Variants in NCAM2 observed in about 807,000 individuals in gnomAD.
NCAM2 encodes the protein neural cell adhesion molecule 2.
Under a neutral mutation model 98.1 loss-of-function variants are expected in NCAM2, and 30 were observed. That is an observed-to-expected ratio of 0.31 (90% CI 0.23 to 0.41). The LOEUF (loss-of-function observed/expected upper bound fraction) is 0.41. NCAM2 is among the 10% of genes least tolerant of loss of function. The pLI is 1.00. For missense variants in NCAM2, 867 were observed against 1,005.8 expected, an observed-to-expected ratio of 0.86 and a Z score of 1.87; for synonymous variants, 368 against 342.4, an observed-to-expected ratio of 1.07 and a Z score of -0.83.
chr21:21,072,433 A>G (rs2146369542), intron 1 of NCAM2, among the ~76,000 whole-genome samples: 1 of 152,324 alleles, frequency 6.6e-6, no homozygotes, highest in South Asian at 2.1e-4. Context: ...ACTTATAGAA[A>G]ACTTACAAAA....
At position 21,542,915 on chromosome 21, in the gene NCAM2, C is replaced by T. The variant is rs1990288676; in HGVS notation, c.*4958C>T. On this transcript the variant is annotated 3_prime_UTR_variant, in exon 18 of 18. Coordinates refer to ENST00000400546, the MANE Select transcript of NCAM2 (RefSeq NM_004540.5). The stretch of plus-strand genomic sequence containing the variant: ...ATAAAAGAAATGATACTATTAAGAA[C>T]AAACCTACTTGTTCCAACTCTTAAA... 1 of 151,788 alleles carries T rather than the reference C, an allele frequency of 6.6e-6. No individual in the cohort carries two copies. Among genetic ancestry groups the T allele is most frequent in the Non-Finnish European group, 1.5e-5 (1 of 67,826 alleles). 9.4% of individuals were successfully genotyped at this position (151,788 alleles called of 1,614,324 possible).
At chr21:21,486,146 T>C (rs1303762893) in intron 15 of NCAM2, among the ~76,000 whole-genome samples, 1 of 151,576 alleles carries the variant, frequency 6.6e-6, no homozygotes, top group African/African-American at 2.4e-5. Flanking sequence ...TACTAAAAAA[T>C]GCAAAAAATT....
At chr21:21,034,577 G>A (rs1346223252) in intron 1 of NCAM2, among the ~76,000 whole-genome samples, 2 of 152,092 alleles carry the variant, frequency 1.3e-5, no homozygotes, top group African/African-American at 4.8e-5. Flanking sequence ...AATTTCTAAT[G>A]ATTTTAAATC....
intron 5 of NCAM2, among the ~76,000 whole-genome samples, chr21:21,304,076 T>C (rs2073808775): frequency 6.6e-6 from 1 of 152,180 alleles, no homozygotes; most frequent in Non-Finnish European, 1.5e-5. Context: ...TTTCTATTTT[T>C]TAACCACTGC....
chr21:21,435,641 T>C (rs1978304254), intron 12 of NCAM2, among the ~76,000 whole-genome samples: 1 of 152,164 alleles, frequency 6.6e-6, no homozygotes, highest in African/African-American at 2.4e-5. Flanking sequence ...TAATGTTTTT[T>C]TCTTCTCTCT....
At chr21:21,510,986 T>G (rs1224287541) in intron 16 of NCAM2, among the ~76,000 whole-genome samples, 1 of 152,016 alleles carries the variant, frequency 6.6e-6, no homozygotes, top group African/African-American at 2.4e-5. Flanking sequence ...TTTCCTGTTT[T>G]GTACTTTACA....
At chr21:21,229,392 T>G (rs569510675) in intron 1 of NCAM2, among the ~76,000 whole-genome samples, 1 of 151,634 alleles carries the variant, frequency 6.6e-6, no homozygotes, top group African/African-American at 2.4e-5. Context: ...GATAGTGTCT[T>G]TAATAAGATG....
intron 14 of NCAM2, among the ~76,000 whole-genome samples, chr21:21,469,163 C>A (rs1171752707): frequency 1.3e-5 from 2 of 151,976 alleles, no homozygotes; most frequent in African/African-American, 4.8e-5. Context: ...AATCACACCT[C>A]AAAACAAATT....
intron 15 of NCAM2, among the ~76,000 whole-genome samples, chr21:21,484,933 A>C (rs919537872): frequency 1.3e-5 from 2 of 152,180 alleles, no homozygotes; most frequent in Non-Finnish European, 2.9e-5. Context: ...TTATTTTGCA[A>C]ATAATTAAAT....
intron 1 of NCAM2, among the ~76,000 whole-genome samples, chr21:21,045,915 G>A (rs1195483745): frequency 1.3e-5 from 2 of 152,130 alleles, no homozygotes; most frequent in Non-Finnish European, 2.9e-5. Flanking sequence ...GAGCAAATTT[G>A]TATCAGATAT....
At chr21:21,403,054 A>G (rs2076666251) in intron 9 of NCAM2, among the ~76,000 whole-genome samples, 4 of 152,128 alleles carry the variant, frequency 2.6e-5, no homozygotes, top group Non-Finnish European at 5.9e-5. Flanking sequence ...ATGATTAGTG[A>G]TGTGGAACAT....
rs569411513 is a variant in NCAM2 at position 21,140,702 on chromosome 21, C to T, written c.56-139876C>T. The stretch of plus-strand genomic sequence containing the variant: ...TATTCTTTGGTTTTCTCTTCTGTCA[C>T]TTTTGTTCAGACCACCATGAAGAAA... On this transcript the variant is annotated intron_variant, in intron 1 of 17. Transcript: ENST00000400546. Among the ~76,000 whole-genome samples, 5 of 152,098 alleles carry T rather than the reference C, an allele frequency of 3.3e-5. No individual in the cohort carries two copies. The East Asian group carries it at 7.7e-4, about 24-fold the overall frequency.
chr21:21,452,912 A>G (rs1161804241), intron 12 of NCAM2, among the ~76,000 whole-genome samples: 1 of 102,874 alleles, frequency 9.7e-6, no homozygotes, highest in Non-Finnish European at 1.7e-5. Context: ...AATATATATT[A>G]CTTTATATAT....
intron 15 of NCAM2, among the ~76,000 whole-genome samples, chr21:21,507,110 A>G (rs1451755350): frequency 6.8e-6 from 1 of 147,224 alleles, no homozygotes; most frequent in Admixed American, 6.8e-5. Context: ...CTATTTTTTG[A>G]AAAAAAAAAT....
At chr21:21,002,583 C>G (rs886817904) in intron 1 of NCAM2, among the ~76,000 whole-genome samples, 1 of 152,056 alleles carries the variant, frequency 6.6e-6, no homozygotes, top group Non-Finnish European at 1.5e-5. Flanking sequence ...TGGAACTGGT[C>G]CTCCTGCATT....
intron 9 of NCAM2, among the ~76,000 whole-genome samples, chr21:21,394,224 G>A (rs1325103211): frequency 6.6e-6 from 1 of 152,042 alleles, no homozygotes; most frequent in African/African-American, 2.4e-5. Flanking sequence ...CATGGTACAT[G>A]GACTGAATCC....
intron 1 of NCAM2, among the ~76,000 whole-genome samples, chr21:21,119,540 T>C (rs2066629848): frequency 7.1e-6 from 1 of 140,362 alleles, no homozygotes; most frequent in Admixed American, 7.6e-5. Flanking sequence ...CTAGAATCAC[T>C]CATAGTTTAT....
intron 8 of NCAM2, among the ~76,000 whole-genome samples, chr21:21,355,903 C>T (rs1461896593): frequency 6.6e-6 from 1 of 152,092 alleles, no homozygotes; most frequent in African/African-American, 2.4e-5. Context: ...ACCACTGCTC[C>T]CGGCCTTAAT....
intron 1 of NCAM2, among the ~76,000 whole-genome samples, chr21:21,207,291 G>A (rs900757188): frequency 1.3e-5 from 2 of 152,112 alleles, no homozygotes; most frequent in African/African-American, 4.8e-5. Context: ...GTGTACAATG[G>A]TAATTTTTGG....
Sources: gnomAD v4.1 joint callset for allele counts (sites outside exome capture counted in the v4.1 genomes callset) on GRCh38, gnomAD v4.1.1 for gene constraint, MANE v1.5 for transcripts, NCBI Gene and HGNC (gene_info 2026-07-23, HGNC 2026-07-21) for gene names.